Variants in MYRFL observed in about 807,000 individuals in gnomAD.
The protein encoded by MYRFL is myelin regulatory factor-like protein.
In MYRFL, 88 loss-of-function variants were observed where a neutral mutation model predicts 109.4. That is an observed-to-expected ratio of 0.80 (90% CI 0.68 to 0.96). The LOEUF (loss-of-function observed/expected upper bound fraction) is 0.96. Among genes scored for constraint, MYRFL ranks in the 40% least tolerant of loss-of-function variants. MYRFL has a pLI of 0.00. For synonymous variants in MYRFL, 324 were observed against 320.9 expected (o/e 1.01, Z -0.10); for missense variants, 957 against 954.9 (o/e 1.00, Z -0.03).
At chr12:69,834,906 A>G (rs1304490168) in intron 1 of MYRFL, among the ~76,000 whole-genome samples, 1 of 152,198 alleles carries the variant, frequency 6.6e-6, no homozygotes, top group Non-Finnish European at 1.5e-5. Context: ...CAGAACAGTG[A>G]AACTTAATAT....
At chr12:69,927,316 A>G (rs1379304821) in intron 14 of MYRFL, among the ~76,000 whole-genome samples, 2 of 152,120 alleles carry the variant, frequency 1.3e-5, no homozygotes, top group Non-Finnish European at 2.9e-5. Flanking sequence ...GGAAGTGCTA[A>G]ATTTTAGCAT....
intron 13 of MYRFL, among the ~76,000 whole-genome samples, chr12:69,916,622 G>A (rs1954736291): frequency 6.6e-6 from 1 of 151,848 alleles, no homozygotes; most frequent in South Asian, 2.1e-4. Context: ...TAAAAACAAA[G>A]CAAAACGAAT....
At chr12:69,931,943 A>G (rs1430712355) in intron 15 of MYRFL, among the ~76,000 whole-genome samples, 1 of 152,234 alleles carries the variant, frequency 6.6e-6, no homozygotes, top group Non-Finnish European at 1.5e-5. Context: ...AATATTGTTG[A>G]ATGAATATGA....
At chr12:69,950,024 T>A (rs1955936897) in intron 19 of MYRFL, among the ~76,000 whole-genome samples, 1 of 152,226 alleles carries the variant, frequency 6.6e-6, no homozygotes, top group African/African-American at 2.4e-5. Context: ...TTATCATTGT[T>A]ATCCTTCAGT....
intron 13 of MYRFL, among the ~76,000 whole-genome samples, chr12:69,912,398 C>G (rs185277336): frequency 1.3e-5 from 2 of 152,252 alleles, no homozygotes; most frequent in Admixed American, 6.5e-5. Context: ...CAACCATCAC[C>G]ACCATCCATC....
intron 16 of MYRFL, among the ~76,000 whole-genome samples, chr12:69,934,594 A>ATGAT (rs1019558557): frequency 8.5e-5 from 13 of 152,252 alleles, no homozygotes; most frequent in African/African-American, 3.1e-4. Context: ...GGTCACACTG[A>ATGAT]TGATTGATTG....
intron 2 of MYRFL, among the ~76,000 whole-genome samples, chr12:69,868,134 T>C (rs941424803): frequency 2.1e-5 from 3 of 146,002 alleles, no homozygotes; most frequent in Non-Finnish European, 4.5e-5. Flanking sequence ...TGAGACGGAG[T>C]CTCGCTCTGT....
intron 2 of MYRFL, among the ~76,000 whole-genome samples, chr12:69,864,311 G>C (rs1420082843): frequency 6.6e-6 from 1 of 151,770 alleles, no homozygotes. Context: ...TTTTGCACAG[G>C]TCACTGAGGC....
intron 10 of MYRFL, among the ~76,000 whole-genome samples, chr12:69,899,077 A>G (rs560908946): frequency 1.3e-5 from 2 of 152,354 alleles, no homozygotes; most frequent in African/African-American, 4.8e-5. Context: ...ATTTCAAAAA[A>G]TGATTGTATT....
chr12:69,931,179 G>A (rs1238235702), intron 15 of MYRFL, among the ~76,000 whole-genome samples: 1 of 152,158 alleles, frequency 6.6e-6, no homozygotes, highest in African/African-American at 2.4e-5. Context: ...GGAAAAGCAT[G>A]GAGACTTAAA....
chr12:69,940,491 C>T (rs1192140949), intron 19 of MYRFL, among the ~76,000 whole-genome samples: 1 of 150,156 alleles, frequency 6.7e-6, no homozygotes, highest in Non-Finnish European at 1.5e-5. Context: ...ACTTTACAGA[C>T]AAGCAAATGC....
At chr12:69,944,564 T>G in intron 19 of MYRFL, among the ~76,000 whole-genome samples, 1 of 148,374 alleles carries the variant, frequency 6.7e-6, no homozygotes, top group African/African-American at 2.5e-5. Context: ...GGGATAGCAT[T>G]GGGAGATATA....
chr12:69,926,609 A>G lies in MYRFL; in HGVS notation c.1641A>G (p.Gln547=). The part of the protein sequence containing the change: ...IFMENVGAVK[Q]LCKLTNNLEE... ...TGGAAAATGTAGGTGCAGTGAAGCA[A>G]CTGTGCAAACTAACTAACAACCTTG... The change falls in exon 14 of 25, where the codon CAA becomes CAG. Residue 547 remains glutamine (Q), a synonymous_variant. Transcript: ENST00000552032. The G allele has an allele frequency of 1.3e-6, 2 of 1,524,594 alleles. No individual in the cohort carries two copies. Among genetic ancestry groups the G allele is most frequent in the Non-Finnish European group, 1.8e-6 (2 of 1,141,576 alleles). The allele number at this position is 1,524,594 out of a possible 1,614,324, so 94.4% of individuals were successfully genotyped here.
chr12:69,871,449 GT>G (rs1046364572), intron 2 of MYRFL, among the ~76,000 whole-genome samples: 1 of 151,974 alleles, frequency 6.6e-6, no homozygotes, highest in African/African-American at 2.4e-5. Flanking sequence ...AGCCGGGATG[GT>G]CTTGATTTCT....
intron 14 of MYRFL, among the ~76,000 whole-genome samples, chr12:69,927,093 C>T (rs1290233669): frequency 1.3e-5 from 2 of 151,182 alleles, no homozygotes; most frequent in Admixed American, 6.6e-5. Context: ...TACAGGTGCC[C>T]GCCACCATGC....
At chr12:69,925,650 A>G (rs944641120) in intron 13 of MYRFL, among the ~76,000 whole-genome samples, 7 of 152,180 alleles carry the variant, frequency 4.6e-5, no homozygotes, top group Non-Finnish European at 7.3e-5. Context: ...AAATGGGCAT[A>G]TGTGTTCATA....
intron 13 of MYRFL, among the ~76,000 whole-genome samples, chr12:69,923,694 A>T (rs1042158278): frequency 5.3e-5 from 8 of 151,490 alleles, no homozygotes; most frequent in East Asian, 1.9e-4. Context: ...TTTTTTTTTA[A>T]ATTTTTATTT....
intron 1 of MYRFL, among the ~76,000 whole-genome samples, chr12:69,831,541 A>G (rs1473806660): frequency 6.6e-6 from 1 of 152,166 alleles, no homozygotes; most frequent in Non-Finnish European, 1.5e-5. Flanking sequence ...CTGTGGGACT[A>G]TGGATAGGTT....
At chr12:69,840,296 A>C (rs982758428) in intron 1 of MYRFL, among the ~76,000 whole-genome samples, 1 of 152,230 alleles carries the variant, frequency 6.6e-6, no homozygotes, top group Non-Finnish European at 1.5e-5. Context: ...CGAGCAGGTA[A>C]TTAATTTCAT....
Sources: gnomAD v4.1 joint callset for allele counts (sites outside exome capture counted in the v4.1 genomes callset) on GRCh38, gnomAD v4.1.1 for gene constraint, MANE v1.5 for transcripts, NCBI Gene and HGNC (gene_info 2026-07-23, HGNC 2026-07-21) for gene names.